Variants in GZF1 observed in about 807,000 individuals in gnomAD.
GZF1 encodes GDNF inducible zinc finger protein 1, also known as GDNF-inducible zinc finger protein 1.
In GZF1, 28 loss-of-function variants were observed where a neutral mutation model predicts 49.4. The observed-to-expected ratio is 0.57, with a 90% CI of 0.42 to 0.78. The LOEUF (loss-of-function observed/expected upper bound fraction) is 0.78. Among genes scored for constraint, GZF1 ranks in the 30% least tolerant of loss-of-function variants. GZF1 has a pLI of 0.00. For missense variants in GZF1, 798 were observed against 916.2 expected, an observed-to-expected ratio of 0.87 and a Z score of 1.67; for synonymous variants, 364 against 356.0, an observed-to-expected ratio of 1.02 and a Z score of -0.25.
Position 23,364,511 on chromosome 20 carries a change from G to T in GZF1, c.128G>T (p.Arg43Leu). ...GTCAGCGTGGAGTATCAGGGTGTCC[G>T]CAAAGACTTCATGGCCCACAAGGCA... Reference protein sequence around the residue: ...VTVSVEYQGVRKDFMAHKAVL... With the variant: ...VTVSVEYQGVLKDFMAHKAVL... The change falls in exon 2 of 6, where the codon CGC (arginine) becomes CTC (leucine). Residue 43 changes from arginine to leucine, a missense_variant. This residue lies in a region of GZF1 where 105 missense variants were observed against 147.5 expected (regional missense o/e 0.71). Transcript: ENST00000338121. 1 of 1,614,222 alleles carries T rather than the reference G, an allele frequency of 6.2e-7. No homozygotes were observed. Among genetic ancestry groups the T allele is most frequent in the Non-Finnish European group, 8.5e-7 (1 of 1,180,028 alleles).
rs780987756 is a variant in GZF1 at position 23,364,559 on chromosome 20, T to C, written c.176T>C (p.Phe59Ser). The change falls in exon 2 of 6, where the codon TTT (phenylalanine) becomes TCT (serine). Residue 59 changes from phenylalanine (F) to serine (S), a missense_variant. Physicochemically the swap from Phe to Ser is radical, Grantham distance 155. Transcript: ENST00000338121. ...GCAGTGCTGGCTGCCACCAGCAAGTTTTTTAAGGAAGTGTTCCTTAATGAG... is the reference window on the plus strand; with the variant it reads ...GCAGTGCTGGCTGCCACCAGCAAGTCTTTTAAGGAAGTGTTCCTTAATGAG... ...HKAVLAATSK[F>S]FKEVFLNEKS... 1 of 1,614,230 alleles carries C rather than the reference T, an allele frequency of 6.2e-7. No homozygotes were observed. Among genetic ancestry groups the C allele is most frequent in the Non-Finnish European group, 8.5e-7 (1 of 1,180,038 alleles).
chr20:23,364,173 C>T (rs1981018187), intron 1 of GZF1, among the ~76,000 whole-genome samples, 190 bp from the exon 2 acceptor site: 1 of 152,142 alleles, frequency 6.6e-6, no homozygotes, highest in Admixed American at 6.5e-5. Context: ...AATTTATTAC[C>T]TTAGGAAAAT....
At chr20:23,366,416 C>T (rs1216858529) in intron 2 of GZF1, among the ~76,000 whole-genome samples, 1 of 152,146 alleles carries the variant, frequency 6.6e-6, no homozygotes, top group Non-Finnish European at 1.5e-5. Context: ...ATTTTTTACT[C>T]TATATAATAA....
At position 23,370,193 on chromosome 20, in the gene GZF1, G is replaced by C; in HGVS notation, c.1888G>C (p.Val630Leu). 6 of 1,614,226 alleles carry C rather than the reference G, an allele frequency of 3.7e-6. No homozygotes were observed. Among genetic ancestry groups the C allele is most frequent in the Non-Finnish European group, 5.1e-6 (6 of 1,180,032 alleles). ...HKTEQPDEEYVSSKLSDKLLS... is the reference protein window; with the variant it reads ...HKTEQPDEEYLSSKLSDKLLS... ...GACTGAACAGCCTGACGAAGAGTAT[G>C]TGTCATCCAAGCTTTCGGATAAATT... is the stretch of plus-strand genomic sequence containing the variant. The change falls in exon 6 of 6, where the codon GTG becomes CTG. Residue 630 changes from valine (V) to leucine (L), a missense_variant. Coordinates refer to ENST00000338121, the MANE Select transcript of GZF1 (RefSeq NM_022482.5).
At position 23,365,337 on chromosome 20, in the gene GZF1, G is replaced by C; in HGVS notation, c.954G>C (p.Lys318Asn). ...GGGAGAAGAAGAAGAGCAACTTTAA[G>C]TGCAGCATTTGCGAGAAGGCGTTTC... ...EEGEKKKSNF[K>N]CSICEKAFLY... The change falls in exon 2 of 6, where the codon AAG becomes AAC. Residue 318 changes from lysine to asparagine, a missense_variant. By Grantham distance (94) the Lys-to-Asn change is moderately conservative. Transcript: ENST00000338121. The C allele has an allele frequency of 6.2e-7, 1 of 1,610,898 alleles. No homozygotes were observed. The highest frequency in any genetic ancestry group is 1.7e-5 in the Admixed American group (1 of 59,738).
At chr20:23,364,228 C>A in intron 1 of GZF1, 135 bp from the exon 2 acceptor site, 1 of 531,336 alleles carries the variant, frequency 1.9e-6, no homozygotes, top group South Asian at 3.2e-5. Context: ...AGTAAAATGT[C>A]ATTCGAATCT....
rs942865148 is a variant in GZF1 at position 23,362,202 on chromosome 20, G to C, written c.-57G>C. On this transcript the variant is annotated 5_prime_UTR_variant, in exon 1 of 6. Coordinates refer to ENST00000338121, the MANE Select transcript of GZF1 (RefSeq NM_022482.5). Reference sequence around the variant, plus strand: ...CGGCCGTTCCTACCGGCCTGGTCCAGCGGACAGCGGCTGCAGCGGGGGCGC... The same window carrying C: ...CGGCCGTTCCTACCGGCCTGGTCCACCGGACAGCGGCTGCAGCGGGGGCGC... The C allele has an allele frequency of 7.2e-5, 11 of 152,072 alleles. No homozygotes were observed. Among genetic ancestry groups the C allele is most frequent in the African/African-American group, 2.7e-4 (11 of 41,414 alleles). 9.4% of individuals were successfully genotyped at this position (152,072 alleles called of 1,614,324 possible).
At chr20:23,361,840 G>T (rs779606137), upstream of GZF1, among the ~76,000 whole-genome samples, 1 of 152,212 alleles carries the variant, frequency 6.6e-6, no homozygotes, top group Non-Finnish European at 1.5e-5. Flanking sequence ...AGCCCGGAAT[G>T]GACGCGAAAG....
At chr20:23,365,779 C>T (rs765706045) in intron 2 of GZF1, 32 bp downstream of exon 2, 5 of 1,481,892 alleles carry the variant, frequency 3.4e-6, no homozygotes, top group South Asian at 2.7e-5. Context: ...GGGGTCCCTG[C>T]GCACTGGAAG....
chr20:23,367,371 T>G (rs932297290), intron 3 of GZF1, among the ~76,000 whole-genome samples: 2 of 152,108 alleles, frequency 1.3e-5, no homozygotes, highest in Non-Finnish European at 2.9e-5. Flanking sequence ...TAACCGAAAT[T>G]TTTTTTTCTA....
In GZF1 at chr20:23,364,776, G is replaced by C. The variant is rs770197032; in HGVS notation, c.393G>C (p.Gln131His). The change falls in exon 2 of 6, where the codon CAG (glutamine) becomes CAC (histidine). Residue 131 changes from glutamine to histidine, a missense_variant. Physicochemically the swap from Gln to His is conservative, Grantham distance 24. Around this residue, in one of 3 missense-constraint regions of GZF1, gnomAD observed 247 missense variants for 228.5 expected, o/e 1.08. Coordinates refer to ENST00000338121, the MANE Select transcript of GZF1 (RefSeq NM_022482.5). Reference protein sequence around the residue: ...LSETCFQLKKQMLESVLLELQ... With the variant: ...LSETCFQLKKHMLESVLLELQ... ...AAACTTGTTTTCAATTAAAGAAACA[G>C]ATGTTAGAGTCAGTACTTTTGGAGT... 3.1e-6 allele frequency: 5 copies of C among 1,614,274 alleles called. No homozygotes were observed. The highest frequency in any genetic ancestry group is 1.7e-5 in the Admixed American group (1 of 60,034).
chr20:23,361,403 C>T (rs1980640271), upstream of GZF1, among the ~76,000 whole-genome samples: 1 of 152,222 alleles, frequency 6.6e-6, no homozygotes, highest in African/African-American at 2.4e-5. Flanking sequence ...CTTAGGGAAT[C>T]AATTGTGCTT....
At chr20:23,370,003 A>G (rs1981887776) in intron 5 of GZF1, 88 bp from the exon 6 acceptor site, 1 of 1,178,954 alleles carries the variant, frequency 8.5e-7, no homozygotes, top group African/African-American at 1.5e-5. Flanking sequence ...GAAAGTTGAA[A>G]ATTGAAGTTG....
In GZF1 at chr20:23,365,596, G is replaced by A; in HGVS notation, c.1213G>A (p.Glu405Lys). The change falls in exon 2 of 6, where the codon GAG becomes AAG. Residue 405 changes from glutamate to lysine, a missense_variant. Around this residue, in one of 3 missense-constraint regions of GZF1, gnomAD observed 446 missense variants for 540.1 expected, o/e 0.83. Coordinates refer to ENST00000338121, the MANE Select transcript of GZF1 (RefSeq NM_022482.5). ...HVLQVHEGGG[E>K]RHRCGQCGKG... ...GCTGCAGGTGCATGAGGGCGGCGGC[G>A]AGCGGCACCGCTGCGGCCAGTGCGG... The A allele has an allele frequency of 6.2e-7, 1 of 1,608,614 alleles. No homozygotes were observed. The highest frequency in any genetic ancestry group is 8.5e-7 in the Non-Finnish European group (1 of 1,179,502).
chr20:23,364,910 G>T lies in GZF1; in HGVS notation c.527G>T (p.Gly176Val), dbSNP rs1330490510. The T allele has an allele frequency of 6.2e-7, 1 of 1,614,220 alleles. No individual in the cohort carries two copies. ...SVATDGPHPS[G>V]LTDSLDYPGE... ...GCCACCGATGGCCCTCACCCCAGTG[G>T]TCTCACGGATTCCTTGGACTACCCA... The change falls in exon 2 of 6, where the codon GGT becomes GTT. Residue 176 changes from glycine to valine, a missense_variant. By Grantham distance (109) the Gly-to-Val change is moderately radical (BLOSUM62 -3). Around this residue, in one of 3 missense-constraint regions of GZF1, gnomAD observed 247 missense variants for 228.5 expected, o/e 1.08. Transcript: ENST00000338121.
chr20:23,370,045 G>A (rs1981895437), intron 5 of GZF1, 46 bp from the exon 6 acceptor site: 25 of 1,498,802 alleles, frequency 1.7e-5, no homozygotes, highest in Non-Finnish European at 2.2e-5. Context: ...AGATGCACTT[G>A]TCCAGAGACA....
Position 23,371,939 on chromosome 20 carries a change from GTGTTTCAGGC to G in GZF1, c.*1499_*1508del, listed in dbSNP as rs1414681918. 3 of 152,668 alleles carry G rather than the reference GTGTTTCAGGC, an allele frequency of 2.0e-5. No individual in the cohort carries two copies. The highest frequency in any genetic ancestry group is 7.2e-5 in the African/African-American group (3 of 41,566). 9.5% of individuals were successfully genotyped at this position (152,668 alleles called of 1,614,324 possible). A position where few individuals can be genotyped will look rare whatever the true frequency, so the allele number is the denominator to read the frequency against. On this transcript the variant is annotated 3_prime_UTR_variant, in exon 6 of 6. Transcript: ENST00000338121. ...CTTATGTTAGTGAAACCACTACAAGGTGTTTCAGGCGCTGATAACATGCTTCACACCTGCC... is the reference window on the plus strand; with the variant it reads ...CTTATGTTAGTGAAACCACTACAAGGGCTGATAACATGCTTCACACCTGCC...
Position 23,369,322 on chromosome 20 carries a change from G to A in GZF1, c.1628-262G>A, listed in dbSNP as rs559840787. ...TTGTAATTTTATACTCCATTACCAT[G>A]GAAAACAGGTGTCATTCCTATAGTT... is the stretch of plus-strand genomic sequence containing the variant. On this transcript the variant is annotated intron_variant, in intron 4 of 5. Transcript: ENST00000338121. Among the ~76,000 whole-genome samples the A allele has an allele frequency of 8.5e-5, 13 of 152,300 alleles. No homozygotes were observed. Among genetic ancestry groups the A allele is most frequent in the East Asian group, 7.7e-4 (4 of 5,192 alleles).
chr20:23,370,061 AG>A (rs1315419188), intron 5 of GZF1, 29 bp from the exon 6 acceptor site: 1 of 1,556,890 alleles, frequency 6.4e-7, no homozygotes. Context: ...AGACACATTC[AG>A]TGACCTTTGT....
Sources: allele counts gnomAD v4.1 joint callset (sites outside exome capture counted in the v4.1 genomes callset), GRCh38; gene constraint gnomAD v4.1.1; regional missense constraint gnomAD v4.1.1; transcripts MANE v1.5; gene names NCBI Gene and HGNC (gene_info 2026-07-23, HGNC 2026-07-21).